The following IL17RD variants were observed in gnomAD, a reference collection of about 807,000 sequenced individuals.
IL17RD encodes interleukin-17 receptor D.
Under a neutral mutation model 80.5 loss-of-function variants are expected in IL17RD, and 52 were observed. The ratio of observed to expected loss-of-function variants is 0.65; its 90% CI spans 0.52 to 0.81. The LOEUF is 0.81. Among genes scored for constraint, IL17RD ranks in the 40% least tolerant of loss-of-function variants. The pLI is 0.00. For synonymous variants in IL17RD, 416 were observed against 391.8 expected, an observed-to-expected ratio of 1.06 and a Z score of -0.73; for missense variants, 1,024 against 955.1, an observed-to-expected ratio of 1.07 and a Z score of -0.95.
intron 1 of IL17RD, 169 bp downstream of exon 1, chr3:57,164,992 G>A (rs1307984089): frequency 1.5e-6 from 2 of 1,334,514 alleles, no homozygotes; most frequent in Non-Finnish European, 1.9e-6. Flanking sequence ...GAGGACACGC[G>A]TCCGGGGAGG....
chr3:57,108,986 A>T (rs1340501899), intron 5 of IL17RD, among the ~76,000 whole-genome samples: 1 of 152,156 alleles, frequency 6.6e-6, no homozygotes, highest in Non-Finnish European at 1.5e-5. Flanking sequence ...ACCCTCAAAA[A>T]TATCAACTGT....
chr3:57,140,289 C>A (rs1707804955), intron 1 of IL17RD, among the ~76,000 whole-genome samples: 1 of 152,186 alleles, frequency 6.6e-6, no homozygotes, highest in South Asian at 2.1e-4. Context: ...GTAGAGACTA[C>A]CCACACTGAA....
intron 3 of IL17RD, 90 bp from the exon 4 acceptor site, chr3:57,110,401 A>C: frequency 7.2e-7 from 1 of 1,382,188 alleles, no homozygotes; most frequent in Non-Finnish European, 1.0e-6. Flanking sequence ...TTCTCTACCT[A>C]CACACCAGAG....
chr3:57,128,592 A>G (rs1023351965), intron 1 of IL17RD, among the ~76,000 whole-genome samples: 1 of 152,076 alleles, frequency 6.6e-6, no homozygotes, highest in Non-Finnish European at 1.5e-5. Context: ...TAGGAAATCC[A>G]TTCACTAAAG....
At position 57,098,433 on chromosome 3, in the gene IL17RD, T is replaced by C. The variant is rs1706750840; in HGVS notation, c.1270A>G (p.Lys424Glu). 6.2e-7 allele frequency: 1 copy of C among 1,613,890 alleles called. No individual in the cohort carries two copies. The highest frequency in any genetic ancestry group is 8.5e-7 in the Non-Finnish European group (1 of 1,179,892). ...ESQFIIVVCS[K>E]GMKYFVDKKN... ...TTGTCCACAAAGTACTTCATACCTT[T>C]GGAACAAACCACAATGATGAACTGG... is the stretch of plus-strand genomic sequence containing the variant. The change falls in exon 12 of 13, where the codon AAA (lysine) becomes GAA (glutamate). Residue 424 changes from lysine (K) to glutamate (E), a missense_variant. Transcript: ENST00000296318.
In IL17RD at chr3:57,090,410, T is replaced by A. The variant is rs561944474; in HGVS notation, c.*5983A>T. 1 of 153,562 alleles carries A rather than the reference T, an allele frequency of 6.5e-6. No homozygotes were observed. Among genetic ancestry groups the A allele is most frequent in the Non-Finnish European group, 1.4e-5 (1 of 69,104 alleles). 9.5% of individuals were successfully genotyped at this position (153,562 alleles called of 1,614,324 possible). Reference sequence around the variant, plus strand: ...CTTGAGAGAAACATACCAAACTTTTTGTTGTTGTTGTTGAGACGGAGTTTC... The same window carrying A: ...CTTGAGAGAAACATACCAAACTTTTAGTTGTTGTTGTTGAGACGGAGTTTC... On this transcript the variant is annotated 3_prime_UTR_variant, in exon 13 of 13. Coordinates refer to ENST00000296318, the MANE Select transcript of IL17RD (RefSeq NM_017563.5).
rs1037480539 is a variant in IL17RD, at chr3:57,091,511, T to C, written c.*4882A>G. ...CACCAATGTGAGTAAGGCACCAACA[T>C]TGTTTGGGCAACTAAACTAAGTGTG... On this transcript the variant is annotated 3_prime_UTR_variant, in exon 13 of 13. Coordinates refer to ENST00000296318, the MANE Select transcript of IL17RD (RefSeq NM_017563.5). The C allele has an allele frequency of 3.3e-5, 5 of 152,628 alleles. No individual in the cohort carries two copies. Among genetic ancestry groups the C allele is most frequent in the Admixed American group, 2.0e-4 (3 of 15,276 alleles). The allele number at this position is 152,628 out of a possible 1,614,324, so 9.5% of individuals were successfully genotyped here. A position where few individuals can be genotyped will look rare whatever the true frequency, so the allele number is the denominator to read the frequency against.
intron 1 of IL17RD, among the ~76,000 whole-genome samples, chr3:57,121,502 G>T (rs553992274): frequency 1.3e-5 from 2 of 152,124 alleles, no homozygotes; most frequent in African/African-American, 4.8e-5. Flanking sequence ...ACTCTAAGGT[G>T]AGGAATAAGT....
chr3:57,140,358 C>T (rs1375227461), intron 1 of IL17RD, among the ~76,000 whole-genome samples: 2 of 152,094 alleles, frequency 1.3e-5, no homozygotes, highest in African/African-American at 2.4e-5. Context: ...AACTGGTCTA[C>T]GAGCTAGCAT....
chr3:57,114,643 G>A, intron 3 of IL17RD, 49 bp downstream of exon 3: 1 of 1,540,840 alleles, frequency 6.5e-7, no homozygotes, highest in African/African-American at 1.4e-5. Flanking sequence ...TTTGCACTGG[G>A]CCCTATCCAC....
chr3:57,106,034 A>T lies in IL17RD; in HGVS notation c.596-26T>A, dbSNP rs1341017862. ...CTGGAAGAAGGTAGGACCCAGAGTG[A>T]GCAACCAGAGGCTACCCTAACACCA... is the stretch of plus-strand genomic sequence containing the variant. On this transcript the variant is annotated intron_variant, in intron 6 of 12. Transcript: ENST00000296318. 1.9e-6 allele frequency: 3 copies of T among 1,613,346 alleles called. No homozygotes were observed. In the African/African-American group the frequency reaches 4.0e-5, roughly 22 times the overall value.
intron 3 of IL17RD, among the ~76,000 whole-genome samples, chr3:57,112,696 A>G (rs1426105176): frequency 3.3e-5 from 5 of 151,894 alleles, no homozygotes; most frequent in African/African-American, 1.2e-4. Flanking sequence ...TGGAAACCCC[A>G]GTAGGTTAAA....
chr3:57,163,360 G>A (rs902463093), intron 1 of IL17RD, among the ~76,000 whole-genome samples: 23 of 152,262 alleles, frequency 1.5e-4, no homozygotes, highest in Middle Eastern at 3.4e-3. Context: ...ACCATTTTAT[G>A]AGGGTGCAGG....
At chr3:57,110,070 C>A in intron 4 of IL17RD, 123 bp downstream of exon 4, 1 of 1,115,632 alleles carries the variant, frequency 9.0e-7, no homozygotes. Context: ...CCATTCTTGC[C>A]CACCTTGGCG....
intron 1 of IL17RD, chr3:57,134,350 A>T (rs1300621088): frequency 1.4e-6 from 1 of 693,146 alleles, no homozygotes; most frequent in East Asian, 2.7e-5. Flanking sequence ...GCCCGCTGGA[A>T]GGGCAGGCAC....
chr3:57,135,145 C>CAA (rs113125013), intron 1 of IL17RD, among the ~76,000 whole-genome samples: 2,223 of 151,402 alleles, frequency 0.015, 51 homozygotes, highest in African/African-American at 0.051. Context: ...AAAAAACACA[C>CAA]AAAAAAAACA....
chr3:57,133,805 G>A (rs141356402), intron 1 of IL17RD, among the ~76,000 whole-genome samples: 2 of 152,276 alleles, frequency 1.3e-5, no homozygotes, highest in East Asian at 3.9e-4. Context: ...GGGCCTGGTG[G>A]TGTGTTCCTA....
At chr3:57,134,600 G>A (rs1003393792) in intron 1 of IL17RD, 27 of 1,064,420 alleles carry the variant, frequency 2.5e-5, no homozygotes, top group Non-Finnish European at 3.9e-5. Flanking sequence ...AGAAGCTGCA[G>A]GCTGACCAGG....
At chr3:57,138,808 G>A (rs924513049) in intron 1 of IL17RD, among the ~76,000 whole-genome samples, 1 of 151,864 alleles carries the variant, frequency 6.6e-6, no homozygotes, top group Admixed American at 6.6e-5. Context: ...GCATGGTGGT[G>A]CATGCCTGTA....
Sources: allele counts gnomAD v4.1 joint callset (sites outside exome capture counted in the v4.1 genomes callset), GRCh38; gene constraint gnomAD v4.1.1; transcripts MANE v1.5; gene names NCBI Gene and HGNC (gene_info 2026-07-23, HGNC 2026-07-21).